Variants in VEPH1 observed in about 807,000 individuals in gnomAD.
VEPH1 encodes ventricular zone expressed PH domain containing 1, also known as ventricular zone-expressed PH domain-containing protein homolog 1.
In VEPH1, 80 loss-of-function variants were observed where a neutral mutation model predicts 85.2. The ratio of observed to expected loss-of-function variants is 0.94; its 90% CI spans 0.78 to 1.13. The LOEUF is 1.13. VEPH1 is among the 50% of genes most tolerant of loss of function. VEPH1 has a pLI of 0.00. For missense variants in VEPH1, 955 were observed against 980.5 expected (o/e 0.97, Z 0.35); for synonymous variants, 297 against 348.0 (o/e 0.85, Z 1.63).
chr3:157,342,161 A>G (rs1723642745), intron 9 of VEPH1, among the ~76,000 whole-genome samples: 1 of 152,222 alleles, frequency 6.6e-6, no homozygotes, highest in South Asian at 2.1e-4. Flanking sequence ...ACAGGATCAA[A>G]TTCACACATA....
intron 6 of VEPH1, among the ~76,000 whole-genome samples, chr3:157,391,841 A>G (rs1483739365): frequency 1.3e-5 from 2 of 152,218 alleles, no homozygotes; most frequent in Non-Finnish European, 2.9e-5. Context: ...CAGCTAGAGA[A>G]AAAGGGCAGG....
At chr3:157,481,590 C>G (rs908256504) in intron 2 of VEPH1, among the ~76,000 whole-genome samples, 1 of 151,324 alleles carries the variant, frequency 6.6e-6, no homozygotes, top group Non-Finnish European at 1.5e-5. Flanking sequence ...TCTACAGAAA[C>G]AGAAGCTCTT....
intron 6 of VEPH1, among the ~76,000 whole-genome samples, chr3:157,396,715 T>C (rs979614875): frequency 3.3e-5 from 5 of 152,260 alleles, no homozygotes; most frequent in African/African-American, 1.2e-4. Context: ...TTTTTTCGTA[T>C]GTTTGTTGAT....
intron 4 of VEPH1, among the ~76,000 whole-genome samples, chr3:157,449,934 AATTT>A (rs1734827712): frequency 6.6e-6 from 1 of 151,402 alleles, no homozygotes; most frequent in Non-Finnish European, 1.5e-5. Context: ...TTATATTTTC[AATTT>A]ATTATGACTA....
At chr3:157,304,031 A>T (rs1339829080) in intron 11 of VEPH1, among the ~76,000 whole-genome samples, 1 of 123,212 alleles carries the variant, frequency 8.1e-6, no homozygotes, top group African/African-American at 2.7e-5. Flanking sequence ...TTTTATATAT[A>T]TATATATACA....
In VEPH1 at chr3:157,428,427, A is replaced by G; in HGVS notation, c.591T>C (p.Asn197=). The G allele has an allele frequency of 6.2e-7, 1 of 1,614,128 alleles. No individual in the cohort carries two copies. The highest frequency in any genetic ancestry group is 8.5e-7 in the Non-Finnish European group (1 of 1,180,004). The change falls in exon 5 of 14, where the codon AAT becomes AAC. Residue 197 remains asparagine (N), a synonymous_variant. Transcript: ENST00000362010. ...AVYEKQPQPI[N]RHLTELLALM... is the part of the protein sequence containing the mutation. ...AGGCCAGGAGTTCTGTCAGGTGTCTATTAATTGGCTGAGGCTGCTTTTCAT... is the reference window on the plus strand; with the variant it reads ...AGGCCAGGAGTTCTGTCAGGTGTCTGTTAATTGGCTGAGGCTGCTTTTCAT...
intron 5 of VEPH1, among the ~76,000 whole-genome samples, chr3:157,424,502 A>T (rs1245452386): frequency 1.3e-5 from 2 of 152,204 alleles, no homozygotes; most frequent in Non-Finnish European, 2.9e-5. Context: ...AAAATGTGGG[A>T]AAATTTGGAA....
chr3:157,388,283 G>A (rs1456110), intron 6 of VEPH1, among the ~76,000 whole-genome samples: 88,389 of 151,980 alleles, frequency 0.58, 25,764 homozygotes, highest in Admixed American at 0.65. Context: ...GCCTGGGGGC[G>A]TATTTATTCC....
At chr3:157,405,389 G>A (rs1476731105) in intron 6 of VEPH1, among the ~76,000 whole-genome samples, 1 of 152,098 alleles carries the variant, frequency 6.6e-6, no homozygotes, top group Non-Finnish European at 1.5e-5. Flanking sequence ...GAACGCTAAG[G>A]TACATAGGAT....
chr3:157,434,849 C>T (rs1733428869), intron 4 of VEPH1, among the ~76,000 whole-genome samples: 1 of 151,720 alleles, frequency 6.6e-6, no homozygotes, highest in Non-Finnish European at 1.5e-5. Flanking sequence ...TGGTAGTTGT[C>T]CTTAAACTTA....
intron 5 of VEPH1, among the ~76,000 whole-genome samples, chr3:157,425,753 G>A (rs549363133): frequency 6.6e-6 from 1 of 152,254 alleles, no homozygotes. Context: ...TTAAAACTTT[G>A]GGGGACTGCT....
intron 2 of VEPH1, among the ~76,000 whole-genome samples, chr3:157,476,553 A>T (rs1377316250): frequency 6.6e-6 from 1 of 152,234 alleles, no homozygotes; most frequent in East Asian, 1.9e-4. Context: ...TGCTAGACTG[A>T]TGAATCAATG....
intron 4 of VEPH1, among the ~76,000 whole-genome samples, chr3:157,429,197 A>G (rs979222898): frequency 1.3e-5 from 2 of 152,178 alleles, no homozygotes; most frequent in Non-Finnish European, 2.9e-5. Flanking sequence ...TTATCACTCT[A>G]TGGTATAGAT....
chr3:157,496,774 G>T (rs1177724079), intron 1 of VEPH1, among the ~76,000 whole-genome samples: 1 of 152,240 alleles, frequency 6.6e-6, no homozygotes, highest in South Asian at 2.1e-4. Context: ...ACAAGCCAAA[G>T]CTTTCATTAC....
chr3:157,321,068 T>C (rs1721296529), intron 9 of VEPH1, among the ~76,000 whole-genome samples: 1 of 152,144 alleles, frequency 6.6e-6, no homozygotes, highest in African/African-American at 2.4e-5. Context: ...AGATTAAAAA[T>C]GGAATATGGC....
intron 9 of VEPH1, among the ~76,000 whole-genome samples, chr3:157,357,562 G>A (rs34141690): frequency 1.3e-5 from 2 of 150,672 alleles, no homozygotes; most frequent in Non-Finnish European, 3.0e-5. Context: ...GTGTGATCTC[G>A]GCTCACTGCA....
At chr3:157,438,019 A>ATGCG in intron 4 of VEPH1, 1 of 1,133,532 alleles carries the variant, frequency 8.8e-7, no homozygotes, top group Non-Finnish European at 1.2e-6. Flanking sequence ...CTTTCATGGG[A>ATGCG]AGCGCGCGCG....
At chr3:157,366,023 A>G (rs1438532883) in intron 7 of VEPH1, among the ~76,000 whole-genome samples, 1 of 152,180 alleles carries the variant, frequency 6.6e-6, no homozygotes, top group Non-Finnish European at 1.5e-5. Context: ...CAACAGTGTA[A>G]TCATGCCTTG....
At position 157,442,650 on chromosome 3, in the gene VEPH1, A is replaced by G. The variant is rs1239678660; in HGVS notation, c.530-14162T>C. 1.9e-6 allele frequency: 3 copies of G among 1,614,216 alleles called. 1 individual carries two copies. The South Asian group carries it at 3.3e-5, about 18-fold the overall frequency. On this transcript the variant is annotated intron_variant, in intron 4 of 13. Coordinates refer to ENST00000362010, the MANE Select transcript of VEPH1 (RefSeq NM_001167912.2). ...GGGAAGGTGGACCCACCTGTGCGGC[A>G]CCTGGAATTCAGAGGAAGGGCTCAC... is the stretch of plus-strand genomic sequence containing the variant.
Sources: gnomAD v4.1 joint callset for allele counts (sites outside exome capture counted in the v4.1 genomes callset) on GRCh38, gnomAD v4.1.1 for gene constraint, MANE v1.5 for transcripts, NCBI Gene and HGNC (gene_info 2026-07-23, HGNC 2026-07-21) for gene names.